Variants in RIBC1 observed in about 807,000 individuals in gnomAD.
RIBC1 encodes RIB43A domain with coiled-coils 1, also known as RIB43A-like with coiled-coils protein 1.
A neutral mutation model predicts 33.7 loss-of-function variants in RIBC1; 12 were observed. The observed-to-expected ratio is 0.36, with a 90% CI of 0.23 to 0.58. The LOEUF is 0.58. Ranked by LOEUF, RIBC1 falls within the 20% of genes least tolerant of loss-of-function variation. The pLI is 0.81. For synonymous variants in RIBC1, 89 were observed against 109.0 expected (o/e 0.82, Z 1.14); for missense variants, 242 against 311.6 (o/e 0.78, Z 1.68).
intron 3 of RIBC1, among the ~76,000 whole-genome samples, chrX:53,427,219 C>T (rs2075797074): frequency 8.9e-6 from 1 of 112,076 alleles, no homozygotes; most frequent in South Asian, 3.7e-4. Flanking sequence ...CTGGAAAAGA[C>T]CCCGTAAGTA....
intron 4 of RIBC1, 60 bp from the exon 5 acceptor site, chrX:53,428,223 G>A (rs1569364058): frequency 8.3e-7 from 1 of 1,198,847 alleles, no homozygotes; most frequent in African/African-American, 1.8e-5. Flanking sequence ...TAGAGGACAT[G>A]CTAAGTGGAC....
In RIBC1 at chrX:53,428,535, C is replaced by T; in HGVS notation, c.452C>T (p.Thr151Ile). ...YFSGEDLDRD[T>I]RLRMQQGQFR... ...TCTGGGGAAGACCTAGACAGGGACA[C>T]ACGGCTGAGAATGCAGCAGGGGCAG... The change falls in exon 5 of 8, where the codon ACA becomes ATA. Residue 151 changes from threonine (T) to isoleucine (I), a missense_variant. Thr to Ile is a moderately conservative substitution (Grantham distance 89). Coordinates refer to ENST00000375327, the MANE Select transcript of RIBC1 (RefSeq NM_001031745.5). 1 of 1,209,831 alleles carries T rather than the reference C, an allele frequency of 8.3e-7. No homozygotes were observed.
rs2075822536 is a variant in RIBC1, at chrX:53,431,072, C to G, written c.*84C>G. ...GTCAAAGAGAAAAATGCTGCATACTCCCACCTTCTAACCTAGGTAATAAAG... is the reference window on the plus strand; with the variant it reads ...GTCAAAGAGAAAAATGCTGCATACTGCCACCTTCTAACCTAGGTAATAAAG... On this transcript the variant is annotated 3_prime_UTR_variant, in exon 8 of 8. Transcript: ENST00000375327. The G allele has an allele frequency of 8.5e-7, 1 of 1,179,278 alleles. No homozygotes were observed. Among genetic ancestry groups the G allele is most frequent in the Non-Finnish European group, 1.1e-6 (1 of 871,647 alleles).
chrX:53,423,911 T>C (rs2075776119), intron 2 of RIBC1, among the ~76,000 whole-genome samples: 1 of 110,880 alleles, frequency 9.0e-6, no homozygotes, highest in African/African-American at 3.3e-5. Flanking sequence ...AGACCCTATC[T>C]CTACTAAAAA....
chrX:53,430,332 C>T, intron 6 of RIBC1, 64 bp from the exon 7 acceptor site: 3 of 963,164 alleles, frequency 3.1e-6, no homozygotes, highest in Non-Finnish European at 4.3e-6. Context: ...ATGTTCCCCC[C>T]TCCCCTGTGA....
At position 53,428,276 on chromosome X, in the gene RIBC1, C is replaced by T. The variant is rs782109250; in HGVS notation, c.200-7C>T. On this transcript the variant is annotated splice_polypyrimidine_tract_variant and splice_region_variant and intron_variant, in intron 4 of 7. Coordinates refer to ENST00000375327, the MANE Select transcript of RIBC1 (RefSeq NM_001031745.5). ...ATCTTCTCCATATCCTTGCTCACCA[C>T]CCCCAGGTACCAGCCAGGTGCAGTA... 7.5e-6 allele frequency: 9 copies of T among 1,205,506 alleles called. No individual in the cohort carries two copies. Among genetic ancestry groups the T allele is most frequent in the Non-Finnish European group, 1.0e-5 (9 of 892,031 alleles).
In RIBC1 at chrX:53,431,002, ATCTC is replaced by A. The variant is rs781806030; in HGVS notation, c.*21_*24del. On this transcript the variant is annotated 3_prime_UTR_variant, in exon 8 of 8. Transcript: ENST00000375327. The stretch of plus-strand genomic sequence containing the variant: ...AGCAGCCGCTAAGTTCAGGATGTCT[ATCTC>A]TCTCTCCCTTCTCCTCCATCAAGCT... 2.5e-6 allele frequency: 3 copies of A among 1,211,609 alleles called. No individual in the cohort carries two copies. Among genetic ancestry groups the A allele is most frequent in the East Asian group, 3.0e-5 (1 of 33,837 alleles).
rs782525806 is a variant in RIBC1 at position 53,430,595 on chromosome X, A to G, written c.863A>G (p.Glu288Gly). The G allele has an allele frequency of 1.7e-6, 2 of 1,206,036 alleles. No homozygotes were observed. Among genetic ancestry groups the G allele is most frequent in the South Asian group, 3.6e-5 (2 of 55,996 alleles). Residue 288 changes from glutamate (E) to glycine (G), a missense_variant, in exon 7 of 8, where the codon GAG becomes GGG. By Grantham distance (98) the Glu-to-Gly change is moderately conservative. Transcript: ENST00000375327. ...GAGCAGCAAGCTGCCATCAGGAAAG[A>G]GCAGGAAGTACAACGCTCTAAGAAG... ...TPEQQAAIRK[E>G]QEVQRSKKQA...
At chrX:53,426,449 T>A (rs1159465001) in intron 3 of RIBC1, 56 bp downstream of exon 3, 8 of 761,948 alleles carry the variant, frequency 1.0e-5, no homozygotes, top group Non-Finnish European at 1.6e-5. Flanking sequence ...CTCTTACACC[T>A]GGAGAGGAAT....
chrX:53,430,603 G>T lies in RIBC1; in HGVS notation c.871G>T (p.Val291Leu). Reference sequence around the variant, plus strand: ...AGCTGCCATCAGGAAAGAGCAGGAAGTACAACGCTCTAAGAAGCAAGCACA... The same window carrying T: ...AGCTGCCATCAGGAAAGAGCAGGAATTACAACGCTCTAAGAAGCAAGCACA... ...QQAAIRKEQEVQRSKKQAHRQ... is the reference protein window; with the variant it reads ...QQAAIRKEQELQRSKKQAHRQ... Residue 291 changes from valine (V) to leucine (L), a missense_variant, in exon 7 of 8, where the codon GTA (valine) becomes TTA (leucine). Val to Leu is a conservative substitution (Grantham distance 32, BLOSUM62 1). Transcript: ENST00000375327. 8.3e-7 allele frequency: 1 copy of T among 1,205,620 alleles called. No homozygotes were observed. The highest frequency in any genetic ancestry group is 1.1e-6 in the Non-Finnish European group (1 of 891,902).
intron 5 of RIBC1, 59 bp downstream of exon 5, chrX:53,428,686 G>A (rs1255395366): frequency 9.3e-6 from 11 of 1,186,431 alleles, no homozygotes; most frequent in Admixed American, 2.3e-5. Context: ...TCTGTCCTAA[G>A]CTGAGTACAG....
At chrX:53,424,328 A>C (rs951341834) in intron 2 of RIBC1, among the ~76,000 whole-genome samples, 6 of 110,572 alleles carry the variant, frequency 5.4e-5, no homozygotes, top group Admixed American at 9.6e-5. Flanking sequence ...AGTCCCAGCT[A>C]CTCAGGAGGC....
chrX:53,427,387 C>T (rs1003969152), intron 3 of RIBC1, among the ~76,000 whole-genome samples: 1 of 111,946 alleles, frequency 8.9e-6, no homozygotes, highest in African/African-American at 3.2e-5. Flanking sequence ...TAGTGCCTGC[C>T]GTAAGAAGTT....
At chrX:53,429,551 A>T in intron 5 of RIBC1, 1 of 382,502 alleles carries the variant, frequency 2.6e-6, no homozygotes, top group Admixed American at 5.1e-5. Flanking sequence ...TATCATTAGA[A>T]CCCAGCACAT....
Position 53,422,918 on chromosome X carries a change from G to C in RIBC1, c.-176G>C, listed in dbSNP as rs2075768856. On this transcript the variant is annotated 5_prime_UTR_variant, in exon 1 of 8. Coordinates refer to ENST00000375327, the MANE Select transcript of RIBC1 (RefSeq NM_001031745.5). ...GCTGGGCGGAGTCAGAGCAGTTCTT[G>C]AGGTTCAAGGAGGCGGGGGAGACCT... 1.5e-5 allele frequency: 4 copies of C among 269,510 alleles called. No individual in the cohort carries two copies. Among genetic ancestry groups the C allele is most frequent in the South Asian group, 1.5e-4 (4 of 27,526 alleles). The allele number at this position is 269,510 out of a possible 1,213,427, so 22.2% of individuals were successfully genotyped here.
intron 2 of RIBC1, among the ~76,000 whole-genome samples, chrX:53,425,757 A>G (rs2075788236): frequency 9.0e-6 from 1 of 111,620 alleles, no homozygotes; most frequent in Non-Finnish European, 1.9e-5. Context: ...GACCGGAGCA[A>G]CTTGGTGAAT....
chrX:53,426,775 C>G (rs2075794300), intron 3 of RIBC1, among the ~76,000 whole-genome samples: 2 of 112,133 alleles, frequency 1.8e-5, no homozygotes, highest in South Asian at 7.4e-4. Flanking sequence ...CACACAAGGT[C>G]AGGAGTTAAA....
At chrX:53,425,057 A>G (rs935045093) in intron 2 of RIBC1, among the ~76,000 whole-genome samples, 15 of 111,633 alleles carry the variant, frequency 1.3e-4, no homozygotes, top group Admixed American at 5.7e-4. Flanking sequence ...CCGGGCATAT[A>G]TGTTCAACTA....
chrX:53,430,858 T>G, intron 7 of RIBC1, 49 bp from the exon 8 acceptor site: 2 of 1,210,012 alleles, frequency 1.7e-6, no homozygotes, highest in Non-Finnish European at 2.2e-6. Context: ...TGAGGAACCA[T>G]GGAGAGAGGG....
Sources: gnomAD v4.1 joint callset for allele counts (sites outside exome capture counted in the v4.1 genomes callset) on GRCh38, gnomAD v4.1.1 for gene constraint, MANE v1.5 for transcripts, NCBI Gene and HGNC (gene_info 2026-07-23, HGNC 2026-07-21) for gene names.